Variants in CPT2 observed in about 807,000 individuals in gnomAD.
CPT2 encodes carnitine O-palmitoyltransferase 2, mitochondrial.
In CPT2, 37 loss-of-function variants were observed where a neutral mutation model predicts 48.6. The ratio of observed to expected loss-of-function variants is 0.76; its 90% confidence interval spans 0.59 to 1.00. The LOEUF (loss-of-function observed/expected upper bound fraction) is 1.00. Ranked by LOEUF, CPT2 falls within the 50% of genes least tolerant of loss-of-function variation. The probability of loss-of-function intolerance (pLI) is 0.00; values close to 1 mark genes in which losing one functional copy is unlikely to be tolerated. For synonymous variants in CPT2, 319 were observed against 326.9 expected, an observed-to-expected ratio of 0.98 and a Z score of 0.26; for missense variants, 772 against 825.6, an observed-to-expected ratio of 0.94 and a Z score of 0.80.
chr1:53,213,955 C>G lies in CPT2; in HGVS notation c.*360C>G, dbSNP rs1645449557. 6 of 294,318 alleles carry G rather than the reference C, an allele frequency of 2.0e-5. No homozygotes were observed. The highest frequency in any genetic ancestry group is 1.7e-4 in the South Asian group (5 of 29,412). 18.2% of individuals were successfully genotyped at this position (294,318 alleles called of 1,614,324 possible). ...ACAAAAAAGAAAAAAAAACTGGGGC[C>G]TGTGTAGCCAGTGGGTGCTATTCTG... On this transcript the variant is annotated 3_prime_UTR_variant, in exon 5 of 5. Coordinates refer to ENST00000371486, the MANE Select transcript of CPT2 (RefSeq NM_000098.3).
rs1645323615 is a variant in CPT2, at chr1:53,196,846, G to T, written c.-98G>T. On this transcript the variant is annotated 5_prime_UTR_variant, in exon 1 of 5. Transcript: ENST00000371486. ...GGCGGAGAAGTGCCTCAGGAGTCCT[G>T]ACGCAGTGTCTTGGGCGCTAACGGC... is the stretch of plus-strand genomic sequence containing the variant. 17 of 1,457,004 alleles carry T rather than the reference G, an allele frequency of 1.2e-5. No individual in the cohort carries two copies. Among genetic ancestry groups the T allele is most frequent in the Non-Finnish European group, 1.5e-5 (16 of 1,083,968 alleles). 90.3% of individuals were successfully genotyped at this position (1,457,004 alleles called of 1,614,324 possible).
chr1:53,212,828 G>C, intron 4 of CPT2: 1 of 440,976 alleles, frequency 2.3e-6, no homozygotes, highest in Non-Finnish European at 4.0e-6. Flanking sequence ...TTAGTAGTAA[G>C]ACTGAGATTC....
chr1:53,209,542 G>A (rs575842691), intron 3 of CPT2: 25 of 192,258 alleles, frequency 1.3e-4, no homozygotes, highest in African/African-American at 4.8e-4. Flanking sequence ...TTAGGAGGCC[G>A]AGGCGGGTGG....
chr1:53,213,655 A>C lies in CPT2; in HGVS notation c.*60A>C. On this transcript the variant is annotated 3_prime_UTR_variant, in exon 5 of 5. Transcript: ENST00000371486. ...CATCATGAAAACTGGGAGGCCGGGC[A>C]TGGTGGCTCATGCCTGTAATCCCAG... 1.4e-6 allele frequency: 2 copies of C among 1,439,138 alleles called. No individual in the cohort carries two copies. Among genetic ancestry groups the C allele is most frequent in the Admixed American group, 1.8e-5 (1 of 54,332 alleles). The allele number at this position is 1,439,138 out of a possible 1,614,324, so 89.1% of individuals were successfully genotyped here.
At chr1:53,212,643 G>A (rs924289746) in intron 4 of CPT2, 4 of 398,148 alleles carry the variant, frequency 1.0e-5, no homozygotes, top group South Asian at 1.4e-4. Flanking sequence ...ATTGTCATCC[G>A]TCATTACCTT....
rs760514258 is a variant in CPT2, at chr1:53,210,811, A to G, written c.1137A>G (p.Ala379=). The part of the protein sequence containing the change: ...HFEHSWGDGV[A]VLRFFNEVFK... The stretch of plus-strand genomic sequence containing the variant: ...AGCACTCTTGGGGTGATGGTGTGGC[A>G]GTGCTCAGATTTTTTAATGAAGTAT... Residue 379 remains alanine (A), a synonymous_variant, in exon 4 of 5, where the codon GCA becomes GCG. Coordinates refer to ENST00000371486, the MANE Select transcript of CPT2 (RefSeq NM_000098.3). The G allele has an allele frequency of 2.5e-6, 4 of 1,614,150 alleles. No individual in the cohort carries two copies. Among genetic ancestry groups the G allele is most frequent in the South Asian group, 1.1e-5 (1 of 91,088 alleles).
intron 3 of CPT2, chr1:53,202,787 C>T (rs142333273): frequency 3.3e-5 from 10 of 304,216 alleles, no homozygotes; most frequent in East Asian, 2.3e-4. Flanking sequence ...TCTCACCACC[C>T]ACCCTGACAT....
intron 2 of CPT2, chr1:53,201,972 G>A (rs1173421091): frequency 3.3e-6 from 1 of 299,484 alleles, no homozygotes; most frequent in East Asian, 8.4e-5. Context: ...CTCAGATCAA[G>A]TAACTTATCC....
At chr1:53,203,539 T>C (rs1572381378) in intron 3 of CPT2, 1 of 152,342 alleles carries the variant, frequency 6.6e-6, no homozygotes, top group African/African-American at 2.4e-5. Flanking sequence ...TCCCAAGCTG[T>C]CTGAATCTCC....
intron 3 of CPT2, among the ~76,000 whole-genome samples, chr1:53,204,548 C>T (rs760792742): frequency 4.0e-5 from 6 of 151,860 alleles, no homozygotes; most frequent in South Asian, 2.1e-4. Context: ...GTGTTGTCTT[C>T]GATATGAGTG....
chr1:53,202,399 A>T lies in CPT2; in HGVS notation c.310A>T (p.Lys104Ter), dbSNP rs1480760988. 2 of 1,614,104 alleles carry T rather than the reference A, an allele frequency of 1.2e-6. No homozygotes were observed. Among genetic ancestry groups the T allele is most frequent in the Admixed American group, 3.3e-5 (2 of 60,026 alleles). Reference protein sequence around the residue: ...ELHEQLVALDKQNKHTSYISG... With the variant: ...ELHEQLVALD The stretch of plus-strand genomic sequence containing the variant: ...GCATGAGCAGCTGGTTGCTCTGGAC[A>T]AACAGAATAAACATACAAGCTACAT... Residue 104 changes from lysine to a stop codon, truncating the protein, a stop_gained, in exon 3 of 5, where the codon AAA (lysine) becomes TAA (stop). Coordinates refer to ENST00000371486, the MANE Select transcript of CPT2 (RefSeq NM_000098.3). LOFTEE classifies it high-confidence loss of function.
Position 53,197,082 on chromosome 1 carries a change from G to T in CPT2, c.139G>T (p.Asp47Tyr). The T allele has an allele frequency of 6.5e-7, 1 of 1,538,956 alleles. No homozygotes were observed. Among genetic ancestry groups the T allele is most frequent in the Non-Finnish European group, 8.7e-7 (1 of 1,146,486 alleles). The change falls in exon 1 of 5, where the codon GAC becomes TAC. Residue 47 changes from aspartate (D) to tyrosine (Y), a missense_variant. Asp to Tyr is a radical substitution (Grantham distance 160). Transcript: ENST00000371486. ...RSIVPTMHYQ[D>Y]SLPRLPIPKL... is the part of the protein sequence containing the mutation. Reference sequence around the variant, plus strand: ...CATCGTGCCCACCATGCACTACCAGGACAGCCTGCCCAGGTGAGCCTGGCC... The same window carrying T: ...CATCGTGCCCACCATGCACTACCAGTACAGCCTGCCCAGGTGAGCCTGGCC...
chr1:53,213,190 T>C (rs979533207), intron 4 of CPT2, 74 bp from the exon 5 acceptor site: 8 of 1,443,358 alleles, frequency 5.5e-6, no homozygotes, highest in South Asian at 1.2e-5. Context: ...ATTCCTACCA[T>C]GTGGTGAGTT....
At chr1:53,213,240 G>A in intron 4 of CPT2, 24 bp from the exon 5 acceptor site, 1 of 1,613,138 alleles carries the variant, frequency 6.2e-7, no homozygotes, top group African/African-American at 1.3e-5. Context: ...CTGAGACTCT[G>A]GTTTTCCATT....
rs369475478 is a variant in CPT2, at chr1:53,210,090, C to A, written c.416C>A (p.Pro139His). The change falls in exon 4 of 5, where the codon CCT (proline) becomes CAT (histidine). Residue 139 changes from proline (P) to histidine (H), a missense_variant. By Grantham distance (77) the Pro-to-His change is moderately conservative. Transcript: ENST00000371486. Reference sequence around the variant, plus strand: ...TTTAATCCATTTATGGCTTTCAATCCTGACCCAAAATCTGAGTATAATGAC... The same window carrying A: ...TTTAATCCATTTATGGCTTTCAATCATGACCCAAAATCTGAGTATAATGAC... Reference protein sequence around the residue: ...LNFNPFMAFNPDPKSEYNDQL... With the variant: ...LNFNPFMAFNHDPKSEYNDQL... The A allele has an allele frequency of 2.5e-6, 4 of 1,614,108 alleles. No individual in the cohort carries two copies. The highest frequency in any genetic ancestry group is 3.4e-6 in the Non-Finnish European group (4 of 1,180,018).
Position 53,197,019 on chromosome 1 carries a change from A to C in CPT2, c.76A>C (p.Ser26Arg). ...TCCGGGAGCCCCCAGTCGGCCCCTC[A>C]GCGCCGGCTCCGGGCCCGGCCAGTA... ...VGPGAPSRPL[S>R]AGSGPGQYLQ... The change falls in exon 1 of 5, where the codon AGC (serine) becomes CGC (arginine). Residue 26 changes from serine to arginine, a missense_variant. Physicochemically the swap from Ser to Arg is moderately radical, Grantham distance 110 (BLOSUM62 -1). Coordinates refer to ENST00000371486, the MANE Select transcript of CPT2 (RefSeq NM_000098.3). 6.5e-7 allele frequency: 1 copy of C among 1,535,312 alleles called. No homozygotes were observed. Among genetic ancestry groups the C allele is most frequent in the South Asian group, 1.2e-5 (1 of 83,846 alleles).
intron 4 of CPT2, chr1:53,212,940 G>C (rs1370617944): frequency 1.9e-6 from 1 of 522,822 alleles, no homozygotes; most frequent in African/African-American, 1.9e-5. Flanking sequence ...TGAGTCCATA[G>C]CTGTCTTCCT....
rs1645324415 is a variant in CPT2, at chr1:53,196,916, G to A, written c.-28G>A. The A allele has an allele frequency of 5.2e-6, 8 of 1,538,566 alleles. No homozygotes were observed. The highest frequency in any genetic ancestry group is 7.0e-6 in the Non-Finnish European group (8 of 1,150,830). ...GACTCCAGAACTCCCCACTTGCCGCGTTCTCGCCGCCGCAGGCTCCCGGGA... is the reference window on the plus strand; with the variant it reads ...GACTCCAGAACTCCCCACTTGCCGCATTCTCGCCGCCGCAGGCTCCCGGGA... On this transcript the variant is annotated 5_prime_UTR_variant, in exon 1 of 5. Transcript: ENST00000371486.
chr1:53,202,064 A>G (rs1260117589), intron 2 of CPT2: 3 of 436,060 alleles, frequency 6.9e-6, no homozygotes, highest in East Asian at 9.6e-5. Context: ...CCTTTTCTCC[A>G]TGCCAAACTG....
Sources: allele counts gnomAD v4.1 joint callset (sites outside exome capture counted in the v4.1 genomes callset), GRCh38; gene constraint gnomAD v4.1.1; transcripts MANE v1.5; gene names NCBI Gene and HGNC (gene_info 2026-07-23, HGNC 2026-07-21).